The following MDGA2 variants were observed in gnomAD, a reference collection of about 807,000 sequenced individuals.
MDGA2 encodes the protein MAM domain containing glycosylphosphatidylinositol anchor 2, also known as MAM domain-containing glycosylphosphatidylinositol anchor protein 2.
Under a neutral mutation model 117.8 loss-of-function variants are expected in MDGA2, and 40 were observed. That is an observed-to-expected ratio of 0.34 (90% CI 0.26 to 0.44). MDGA2 has a LOEUF of 0.44. Among genes scored for constraint, MDGA2 ranks in the 20% least tolerant of loss-of-function variants. The pLI, the probability that MDGA2 is intolerant of heterozygous loss-of-function variation, is 1.00. For synonymous variants in MDGA2, 452 were observed against 439.0 expected (o/e 1.03, Z -0.37); for missense variants, 1,123 against 1,250.6 (o/e 0.90, Z 1.54).
At position 47,171,747 on chromosome 14, in the gene MDGA2, A is replaced by C. The variant is rs557236322; in HGVS notation, c.596-27473T>G. Among the ~76,000 whole-genome samples the C allele has an allele frequency of 7.2e-5, 11 of 152,292 alleles. No individual in the cohort carries two copies. In the South Asian group the frequency reaches 2.3e-3, roughly 32 times the overall value. ...GAAGATGGGAGATTTCTGCATTTCC[A>C]TCTGAGGTATTGTGTTCATCTCACT... On this transcript the variant is annotated intron_variant, in intron 3 of 16. Coordinates refer to ENST00000399232, the MANE Select transcript of MDGA2 (RefSeq NM_001113498.3).
chr14:46,864,274 A>G (rs1183289215), intron 14 of MDGA2, among the ~76,000 whole-genome samples: 1 of 150,608 alleles, frequency 6.6e-6, no homozygotes, highest in Non-Finnish European at 1.5e-5. Context: ...CTTCACTTAA[A>G]ATTTGTACCT....
At chr14:47,327,115 G>A (rs1420667408) in intron 1 of MDGA2, among the ~76,000 whole-genome samples, 3 of 152,152 alleles carry the variant, frequency 2.0e-5, no homozygotes, top group African/African-American at 7.2e-5. Context: ...CTCCAGGCAG[G>A]AGCCATTACT....
intron 4 of MDGA2, among the ~76,000 whole-genome samples, chr14:47,142,441 T>G (rs1408536346): frequency 7.3e-6 from 1 of 136,470 alleles, no homozygotes; most frequent in Non-Finnish European, 1.6e-5. Context: ...AGGCTCCATC[T>G]CAAAAACAAA....
intron 1 of MDGA2, among the ~76,000 whole-genome samples, chr14:47,342,658 G>A (rs1285939113): frequency 6.6e-6 from 1 of 152,112 alleles, no homozygotes; most frequent in African/African-American, 2.4e-5. Context: ...GAAATAATGC[G>A]TAGTCTTGTG....
In MDGA2 at chr14:47,144,161, G is replaced by T. The variant is rs72680210; in HGVS notation, c.709C>A (p.Arg237=). Residue 237 remains arginine, a synonymous_variant, in exon 4 of 17, where the codon CGG becomes AGG. Transcript: ENST00000399232. ...RCVANSNPPV[R]YSWRRGQEVL... ...TCCTGGCCACGTCTCCAGCTATACC[G>T]AACAGGAGGATTGGAATTGGCAACA... 127,587 of 1,550,780 alleles carry T rather than the reference G, an allele frequency of 0.082. 5,977 individuals carry two copies. The highest frequency in any genetic ancestry group is 0.09 in the Non-Finnish European group (103,508 of 1,146,410).
At chr14:46,933,726 A>G (rs1229361015) in intron 9 of MDGA2, among the ~76,000 whole-genome samples, 1 of 146,386 alleles carries the variant, frequency 6.8e-6, no homozygotes, top group Non-Finnish European at 1.5e-5. Context: ...ATTTCAACAC[A>G]ATTATGTCAC....
chr14:46,879,970 C>T (rs961330322), intron 11 of MDGA2, among the ~76,000 whole-genome samples: 1 of 152,102 alleles, frequency 6.6e-6, no homozygotes, highest in Non-Finnish European at 1.5e-5. Flanking sequence ...CAATGGAGTA[C>T]TTCAGCTGCA....
At chr14:47,504,209 GC>G (rs141881196) in intron 1 of MDGA2, among the ~76,000 whole-genome samples, 5,757 of 152,120 alleles carry the variant, frequency 0.038, 366 homozygotes, top group African/African-American at 0.13. Flanking sequence ...AATCCATATT[GC>G]CATATTTTCA....
rs566505998 is a variant in MDGA2, at chr14:47,301,598, A to G, written c.281-48T>C. The G allele has an allele frequency of 2.6e-5, 40 of 1,545,284 alleles. 1 individual carries two copies. The South Asian group carries it at 4.1e-4, about 16-fold the overall frequency. On this transcript the variant is annotated intron_variant, in intron 1 of 16. Coordinates refer to ENST00000399232, the MANE Select transcript of MDGA2 (RefSeq NM_001113498.3). ...GACAAGATACATGAAAAGGTAAGTC[A>G]GTGATCTTCTCATGAACCATCTTGA...
rs112380856 is a variant in MDGA2, at chr14:47,188,315, G to C, written c.595+29706C>G. The stretch of plus-strand genomic sequence containing the variant: ...ACAAAAGCAGTGTGGCTTCCTTCTT[G>C]GGTGTCCACTATTGCTCTCTTGCTT... On this transcript the variant is annotated intron_variant, in intron 3 of 16. Transcript: ENST00000399232. Among the ~76,000 whole-genome samples the C allele has an allele frequency of 2.4e-3, 365 of 152,292 alleles. 1 individual carries two copies. Among genetic ancestry groups the C allele is most frequent in the African/African-American group, 8.3e-3 (346 of 41,588 alleles).
intron 9 of MDGA2, among the ~76,000 whole-genome samples, chr14:46,933,810 A>ACTTTTCT (rs1884673025): frequency 2.8e-5 from 1 of 35,584 alleles, no homozygotes; most frequent in Non-Finnish European, 5.6e-5. Flanking sequence ...ATATATATAT[A>ACTTTTCT]TATATATATA....
chr14:46,875,926 C>T (rs1359143697), intron 12 of MDGA2, among the ~76,000 whole-genome samples: 3 of 150,734 alleles, frequency 2.0e-5, no homozygotes, highest in Admixed American at 6.6e-5. Flanking sequence ...ACCTTTTTTT[C>T]GTAATTTAAA....
At chr14:47,556,400 C>A (rs1261963619) in intron 1 of MDGA2, among the ~76,000 whole-genome samples, 1 of 152,160 alleles carries the variant, frequency 6.6e-6, no homozygotes, top group Non-Finnish European at 1.5e-5. Context: ...TCACACAATC[C>A]CCTGGGTCAG....
intron 3 of MDGA2, among the ~76,000 whole-genome samples, chr14:47,210,651 G>T (rs1158493484): frequency 3.3e-5 from 5 of 152,090 alleles, no homozygotes; most frequent in African/African-American, 1.2e-4. Context: ...AGTGGCCATT[G>T]CTTCTTAGGA....
chr14:47,447,657 G>A (rs142716918), intron 1 of MDGA2, among the ~76,000 whole-genome samples: 18 of 152,206 alleles, frequency 1.2e-4, no homozygotes, highest in Middle Eastern at 3.4e-3. Flanking sequence ...CAAAATTCTC[G>A]TTAAGTTCAC....
chr14:47,549,343 A>ATCTCTCTCTCTCTCTCTCTCTCTCTCTC (rs3039661), intron 1 of MDGA2, among the ~76,000 whole-genome samples: 6 of 140,222 alleles, frequency 4.3e-5, no homozygotes, highest in East Asian at 2.2e-4. Flanking sequence ...CACCAGTATT[A>ATCTCTCTCTCTCTCTCTCTCTCTCTCTC]TCTCTCTCTC....
chr14:47,384,260 G>T (rs986694240), intron 1 of MDGA2, among the ~76,000 whole-genome samples: 1 of 150,722 alleles, frequency 6.6e-6, no homozygotes, highest in Non-Finnish European at 1.5e-5. Flanking sequence ...GACTGAGTCA[G>T]AGAATGGACC....
chr14:47,668,078 C>G (rs1056736571), intron 1 of MDGA2, among the ~76,000 whole-genome samples: 9 of 152,174 alleles, frequency 5.9e-5, no homozygotes, highest in African/African-American at 2.2e-4. Context: ...TCTTCTGTAA[C>G]TCCTAGGGAA....
chr14:47,047,441 T>C (rs77997416), intron 7 of MDGA2, among the ~76,000 whole-genome samples: 3,028 of 152,210 alleles, frequency 0.02, 105 homozygotes, highest in African/African-American at 0.068. Context: ...TTGTAATATA[T>C]TTGTAAAGAG....
Sources: gnomAD v4.1 joint callset for allele counts (sites outside exome capture counted in the v4.1 genomes callset) on GRCh38, gnomAD v4.1.1 for gene constraint, MANE v1.5 for transcripts, NCBI Gene and HGNC (gene_info 2026-07-23, HGNC 2026-07-21) for gene names.